The following EXOC4 variants were observed in gnomAD, a reference collection of about 807,000 sequenced individuals.
EXOC4 encodes the protein exocyst complex component 4.
EXOC4 carries 71 observed loss-of-function variants against 107.2 expected under a neutral mutation model. The ratio of observed to expected loss-of-function variants is 0.66; its 90% CI spans 0.55 to 0.81. EXOC4 has a LOEUF of 0.81. Ranked by LOEUF, EXOC4 falls within the 30% of genes least tolerant of loss-of-function variation. The probability of loss-of-function intolerance (pLI) is 0.00; values close to 1 mark genes in which losing one functional copy is unlikely to be tolerated. For synonymous variants in EXOC4, 456 were observed against 441.2 expected (o/e 1.03, Z -0.42); for missense variants, 1,108 against 1,189.6 (o/e 0.93, Z 1.01).
intron 11 of EXOC4, among the ~76,000 whole-genome samples, chr7:133,855,794 G>A (rs1363042199): frequency 1.3e-5 from 2 of 152,182 alleles, no homozygotes; most frequent in African/African-American, 4.8e-5. Context: ...TTACATGGCT[G>A]CAATAATTAT....
intron 15 of EXOC4, among the ~76,000 whole-genome samples, chr7:134,000,502 G>T (rs1794507515): frequency 6.6e-6 from 1 of 151,908 alleles, no homozygotes; most frequent in Non-Finnish European, 1.5e-5. Flanking sequence ...AGAATTAGTT[G>T]GTTTGAAACC....
At chr7:133,547,109 G>A (rs1800496871) in intron 9 of EXOC4, among the ~76,000 whole-genome samples, 1 of 152,118 alleles carries the variant, frequency 6.6e-6, no homozygotes, top group African/African-American at 2.4e-5. Context: ...ATAGGCATAT[G>A]TTGGAGGTAT....
intron 3 of EXOC4, among the ~76,000 whole-genome samples, chr7:133,302,746 A>G (rs34102361): frequency 0.057 from 8,578 of 151,702 alleles, 322 homozygotes; most frequent in Non-Finnish European, 0.084. Context: ...GTTTTTTTTT[A>G]TAATTTCTTA....
chr7:133,665,411 G>A (rs1793789743), intron 10 of EXOC4, among the ~76,000 whole-genome samples: 1 of 152,122 alleles, frequency 6.6e-6, no homozygotes, highest in Admixed American at 6.6e-5. Flanking sequence ...CAGTTGATTT[G>A]TAGACTTGAA....
intron 14 of EXOC4, among the ~76,000 whole-genome samples, chr7:133,955,991 A>T (rs908767285): frequency 8.5e-5 from 13 of 152,186 alleles, no homozygotes; most frequent in Non-Finnish European, 1.3e-4. Context: ...GCCCAGGTCC[A>T]CAGCTCCAGT....
downstream of EXOC4, chr7:134,066,152 G>A (rs1796173173): frequency 1.3e-5 from 2 of 152,354 alleles, no homozygotes; most frequent in African/African-American, 4.8e-5. Context: ...AAGCAGGAGT[G>A]GAAGAAGGGG....
chr7:133,438,106 A>G (rs1382919563), intron 7 of EXOC4, among the ~76,000 whole-genome samples: 1 of 152,210 alleles, frequency 6.6e-6, no homozygotes, highest in Non-Finnish European at 1.5e-5. Flanking sequence ...TATTTAGTTC[A>G]GATCTGTCTT....
At chr7:133,900,387 G>A (rs1799424867) in intron 12 of EXOC4, among the ~76,000 whole-genome samples, 1 of 152,140 alleles carries the variant, frequency 6.6e-6, no homozygotes, top group South Asian at 2.1e-4. Context: ...TAGGCTTTGT[G>A]AAGAGTGAAG....
intron 7 of EXOC4, among the ~76,000 whole-genome samples, chr7:133,469,423 A>G (rs1798816508): frequency 6.6e-6 from 1 of 152,168 alleles, no homozygotes; most frequent in African/African-American, 2.4e-5. Flanking sequence ...CTTAAAAATA[A>G]ATAAATAAAT....
chr7:133,858,676 G>T (rs533121947), intron 11 of EXOC4, among the ~76,000 whole-genome samples: 4 of 152,132 alleles, frequency 2.6e-5, no homozygotes, highest in Non-Finnish European at 4.4e-5. Flanking sequence ...CCTGGTATGC[G>T]CAGGTGCTCA....
intron 5 of EXOC4, among the ~76,000 whole-genome samples, chr7:133,331,616 C>G (rs1481995272): frequency 6.6e-6 from 1 of 151,980 alleles, no homozygotes; most frequent in Non-Finnish European, 1.5e-5. Flanking sequence ...CAGGCGCCCG[C>G]CACCTCGCCC....
chr7:134,079,887 A>C, the EXOC4 span, among the ~76,000 whole-genome samples: 2 of 152,030 alleles, frequency 1.3e-5, no homozygotes, highest in Non-Finnish European at 2.9e-5. Context: ...CACCAGAAAC[A>C]CCCTCTTGCC....
rs141837957 is a variant in EXOC4 at position 133,668,157 on chromosome 7, C to T, written c.1514+38016C>T. Among the ~76,000 whole-genome samples, 860 of 152,060 alleles carry T rather than the reference C, an allele frequency of 5.7e-3. 7 individuals are homozygous for T. The highest frequency in any genetic ancestry group is 0.02 in the African/African-American group (818 of 41,458). ...TTATATTCGGAATGGTTTTTTATGTCAAAGGAAGTGCAATGAATATAGGCA... is the reference window on the plus strand; with the variant it reads ...TTATATTCGGAATGGTTTTTTATGTTAAAGGAAGTGCAATGAATATAGGCA... On this transcript the variant is annotated intron_variant, in intron 10 of 17. Transcript: ENST00000253861.
At chr7:133,491,002 A>G (rs1353464601) in intron 9 of EXOC4, among the ~76,000 whole-genome samples, 1 of 152,204 alleles carries the variant, frequency 6.6e-6, no homozygotes. Context: ...CCTTGCGTTA[A>G]AAATAGAATG....
intron 1 of EXOC4, 38 bp downstream of exon 1, chr7:133,253,225 C>A: frequency 6.3e-7 from 1 of 1,599,082 alleles, no homozygotes; most frequent in Non-Finnish European, 8.6e-7. Context: ...GGACTGGGGG[C>A]AGCGGCTCGA....
chr7:133,704,157 T>G (rs939065022), intron 10 of EXOC4, among the ~76,000 whole-genome samples: 1 of 152,224 alleles, frequency 6.6e-6, no homozygotes, highest in African/African-American at 2.4e-5. Flanking sequence ...CTTGCCATGT[T>G]GCCCAGGCTG....
chr7:133,826,961 A>G (rs1246908707), intron 11 of EXOC4, among the ~76,000 whole-genome samples: 2 of 152,206 alleles, frequency 1.3e-5, no homozygotes, highest in Non-Finnish European at 2.9e-5. Flanking sequence ...TTCAGCCTTC[A>G]CAGAAATGAA....
At chr7:133,420,551 G>C (rs1374839612) in intron 7 of EXOC4, among the ~76,000 whole-genome samples, 3 of 151,966 alleles carry the variant, frequency 2.0e-5, no homozygotes, top group Non-Finnish European at 4.4e-5. Flanking sequence ...ATATTCTGTT[G>C]GTTAAAAGCA....
intron 4 of EXOC4, 100 bp downstream of exon 4, chr7:133,306,161 C>T (rs943686096): frequency 1.1e-5 from 10 of 943,372 alleles, no homozygotes; most frequent in Non-Finnish European, 1.5e-5. Flanking sequence ...TTTACTTTTC[C>T]TTTAATGGAC....
Sources: allele counts gnomAD v4.1 joint callset (sites outside exome capture counted in the v4.1 genomes callset), GRCh38; gene constraint gnomAD v4.1.1; transcripts MANE v1.5; gene names NCBI Gene and HGNC (gene_info 2026-07-23, HGNC 2026-07-21).